The following APOBEC2 variants were observed in gnomAD, a reference collection of about 807,000 sequenced individuals.
APOBEC2 encodes C->U-editing enzyme APOBEC-2.
Under a neutral mutation model 19.4 loss-of-function variants are expected in APOBEC2, and 14 were observed. That is an observed-to-expected ratio of 0.72 (90% CI 0.48 to 1.13). The LOEUF (loss-of-function observed/expected upper bound fraction) is 1.13. Among genes scored for constraint, APOBEC2 ranks in the 50% most tolerant of loss-of-function variants. The probability of loss-of-function intolerance (pLI) is 0.00; values close to 1 mark genes in which losing one functional copy is unlikely to be tolerated. For missense variants in APOBEC2, 304 were observed against 277.0 expected (o/e 1.10, Z -0.69); for synonymous variants, 127 against 112.1 (o/e 1.13, Z -0.84).
chr6:41,062,821 T>C (rs914277324), intron 2 of APOBEC2, among the ~76,000 whole-genome samples: 1 of 152,174 alleles, frequency 6.6e-6, no homozygotes, highest in Non-Finnish European at 1.5e-5. Flanking sequence ...AAGGATCCTT[T>C]ACTATCTTTT....
chr6:41,053,589 G>A, intron 1 of APOBEC2, 111 bp downstream of exon 1: 1 of 1,497,498 alleles, frequency 6.7e-7, no homozygotes, highest in Non-Finnish European at 9.0e-7. Flanking sequence ...CTACAACCCT[G>A]CAGCAGTGAG....
At chr6:41,058,068 G>A (rs895946180) in intron 1 of APOBEC2, among the ~76,000 whole-genome samples, 8 of 151,720 alleles carry the variant, frequency 5.3e-5, no homozygotes, top group African/African-American at 1.5e-4. Context: ...AGGTTTCTAC[G>A]CATGAGGAAG....
chr6:41,053,626 G>A lies in APOBEC2; in HGVS notation c.131+148G>A. On this transcript the variant is annotated intron_variant, in intron 1 of 2. Transcript: ENST00000244669. ...GTGCACCAGTGGGCCCGGCAGGGGTGGTAGGGGACCCAGCAGCAAATTCTC... is the reference window on the plus strand; with the variant it reads ...GTGCACCAGTGGGCCCGGCAGGGGTAGTAGGGGACCCAGCAGCAAATTCTC... 3.3e-6 allele frequency: 4 copies of A among 1,227,238 alleles called. No individual in the cohort carries two copies. The South Asian group carries it at 6.8e-5, about 21-fold the overall frequency. The allele number at this position is 1,227,238 out of a possible 1,614,324, so 76.0% of individuals were successfully genotyped here.
In APOBEC2 at chr6:41,058,716, A is replaced by G. The variant is rs142372507; in HGVS notation, c.132-2612A>G. On this transcript the variant is annotated intron_variant, in intron 1 of 2. Transcript: ENST00000244669. ...TTCTCCTGGTTTCCCCCCAGGACGT[A>G]GCTATTTCGGTCTGTGAGAGGCCTA... Among the ~76,000 whole-genome samples the G allele has an allele frequency of 2.0e-3, 299 of 152,244 alleles. 4 individuals are homozygous for G. Among genetic ancestry groups the G allele is most frequent in the African/African-American group, 6.9e-3 (286 of 41,540 alleles).
chr6:41,062,257 T>A (rs1238305920), intron 2 of APOBEC2, among the ~76,000 whole-genome samples: 3 of 152,272 alleles, frequency 2.0e-5, no homozygotes, highest in Non-Finnish European at 2.9e-5. Context: ...TGCCCCTGTG[T>A]ACATGTCAGG....
At position 41,053,416 on chromosome 6, in the gene APOBEC2, C is replaced by A. The variant is rs1357906018; in HGVS notation, c.69C>A (p.Asn23Lys). Reference protein sequence around the residue: ...AASQNGEDLENLDDPEKLKEL... With the variant: ...AASQNGEDLEKLDDPEKLKEL... The stretch of plus-strand genomic sequence containing the variant: ...CCCAGAATGGGGAGGATCTGGAGAA[C>A]CTGGACGACCCTGAGAAGCTGAAAG... Residue 23 changes from asparagine (N) to lysine (K), a missense_variant, in exon 1 of 3, where the codon AAC becomes AAA. Asn to Lys is a moderately conservative substitution (Grantham distance 94). Transcript: ENST00000244669. 1 of 1,614,194 alleles carries A rather than the reference C, an allele frequency of 6.2e-7. No homozygotes were observed. The highest frequency in any genetic ancestry group is 2.2e-5 in the East Asian group (1 of 44,880).
intron 1 of APOBEC2, among the ~76,000 whole-genome samples, chr6:41,058,201 G>A (rs1209006675): frequency 2.5e-5 from 3 of 119,138 alleles, no homozygotes; most frequent in Admixed American, 9.5e-5. Flanking sequence ...TTCTACGCAT[G>A]AGGAAGTGAC....
At chr6:41,056,695 T>C (rs975305768) in intron 1 of APOBEC2, among the ~76,000 whole-genome samples, 1 of 152,252 alleles carries the variant, frequency 6.6e-6, no homozygotes. Context: ...TTTGTCTTTT[T>C]CACTGCTTTA....
At chr6:41,054,870 CTT>C (rs1762775095) in intron 1 of APOBEC2, among the ~76,000 whole-genome samples, 3 of 152,214 alleles carry the variant, frequency 2.0e-5, no homozygotes, top group Admixed American at 2.0e-4. Context: ...ACACTACACT[CTT>C]GTGTGGCTTT....
intron 1 of APOBEC2, among the ~76,000 whole-genome samples, chr6:41,060,529 A>G (rs1178735145): frequency 6.6e-6 from 1 of 152,192 alleles, no homozygotes. Flanking sequence ...CTAGCTGCTA[A>G]ATTATAAGCA....
At chr6:41,057,312 T>TGTG (rs1762809363) in intron 1 of APOBEC2, among the ~76,000 whole-genome samples, 1 of 152,072 alleles carries the variant, frequency 6.6e-6, no homozygotes, top group Non-Finnish European at 1.5e-5. Context: ...CTGGGTGGTG[T>TGTG]GTCACCAAGA....
chr6:41,057,814 T>C (rs1176562783), intron 1 of APOBEC2, among the ~76,000 whole-genome samples: 6 of 152,222 alleles, frequency 3.9e-5, no homozygotes, highest in Non-Finnish European at 7.3e-5. Flanking sequence ...ACGTTTTGAA[T>C]GTGAACCTGA....
intron 1 of APOBEC2, among the ~76,000 whole-genome samples, chr6:41,058,856 C>A (rs1009242478): frequency 6.6e-6 from 1 of 152,214 alleles, no homozygotes; most frequent in African/African-American, 2.4e-5. Context: ...CAAACCTTCC[C>A]TGCCTTTCCT....
intron 1 of APOBEC2, among the ~76,000 whole-genome samples, chr6:41,059,023 G>A (rs1303011159): frequency 6.6e-6 from 1 of 152,122 alleles, no homozygotes; most frequent in Non-Finnish European, 1.5e-5. Flanking sequence ...AGGTTTCTTT[G>A]GGTCTTCTCC....
In APOBEC2 at chr6:41,058,919, C is replaced by G. The variant is rs1387391227; in HGVS notation, c.132-2409C>G. On this transcript the variant is annotated intron_variant, in intron 1 of 2. Transcript: ENST00000244669. ...GAGGCATCTAGTCCAGAAGGCCCTG[C>G]TGAGGGACAGAGTAGATTCTAGGGC... Among the ~76,000 whole-genome samples, 4 of 152,182 alleles carry G rather than the reference C, an allele frequency of 2.6e-5. No homozygotes were observed. The East Asian group carries it at 7.7e-4, about 29-fold the overall frequency.
At chr6:41,060,986 T>C (rs536833928) in intron 1 of APOBEC2, among the ~76,000 whole-genome samples, 13 of 152,306 alleles carry the variant, frequency 8.5e-5, no homozygotes, top group South Asian at 2.1e-4. Context: ...CTCAGTCTTC[T>C]AGGTGATTCT....
chr6:41,061,832 C>A lies in APOBEC2; in HGVS notation c.636C>A (p.Phe212Leu). The change falls in exon 2 of 3, where the codon TTC becomes TTA. Residue 212 changes from phenylalanine to leucine, a missense_variant. Coordinates refer to ENST00000244669, the MANE Select transcript of APOBEC2 (RefSeq NM_006789.4). ...FQPWEDIQENFLYYEEKLADI... is the reference protein window; with the variant it reads ...FQPWEDIQENLLYYEEKLADI... ...CCTGGGAGGACATTCAGGAGAACTT[C>A]CTATACTACGAGGAGAAGTTGGCAG... 6.2e-7 allele frequency: 1 copy of A among 1,614,074 alleles called. No homozygotes were observed. The highest frequency in any genetic ancestry group is 8.5e-7 in the Non-Finnish European group (1 of 1,179,994).
At chr6:41,058,399 C>CCA (rs3049087) in intron 1 of APOBEC2, among the ~76,000 whole-genome samples, 2,105 of 142,552 alleles carry the variant, frequency 0.015, 43 homozygotes, top group South Asian at 0.048. Context: ...CACCACCCCA[C>CCA]CACACACACA....
At chr6:41,058,139 C>T (rs953317618) in intron 1 of APOBEC2, among the ~76,000 whole-genome samples, 2 of 144,996 alleles carry the variant, frequency 1.4e-5, no homozygotes, top group African/African-American at 2.6e-5. Context: ...CACCCACCAC[C>T]ACCACCCCAC....
Sources: gnomAD v4.1 joint callset for allele counts (sites outside exome capture counted in the v4.1 genomes callset) on GRCh38, gnomAD v4.1.1 for gene constraint, MANE v1.5 for transcripts, NCBI Gene and HGNC (gene_info 2026-07-23, HGNC 2026-07-21) for gene names.